Variants in SLC39A14 observed in about 807,000 individuals in gnomAD.
SLC39A14 encodes solute carrier family 39 member 14.
A neutral mutation model predicts 45.5 loss-of-function variants in SLC39A14; 19 were observed. That is an observed-to-expected ratio of 0.42 (90% CI 0.29 to 0.61). The LOEUF is 0.61. Ranked by LOEUF, SLC39A14 falls within the 20% of genes least tolerant of loss-of-function variation. The pLI is 0.22. For missense variants in SLC39A14, 447 were observed against 616.5 expected, an observed-to-expected ratio of 0.73 and a Z score of 2.91; for synonymous variants, 264 against 251.3, an observed-to-expected ratio of 1.05 and a Z score of -0.48.
chr8:22,408,368 G>A lies in SLC39A14; in HGVS notation c.329G>A (p.Gly110Glu). ...AHNFSEQSRI[G>E]SSELQEFCPT... ...AATTTCAGCGAGCAGTCGCGGATTGGGAGCAGCGAGCTCCAGGAGTTCTGC... is the reference window on the plus strand; with the variant it reads ...AATTTCAGCGAGCAGTCGCGGATTGAGAGCAGCGAGCTCCAGGAGTTCTGC... The change falls in exon 3 of 9, where the codon GGG becomes GAG. Residue 110 changes from glycine (G) to glutamate (E), a missense_variant. Coordinates refer to ENST00000381237, the MANE Select transcript of SLC39A14 (RefSeq NM_001128431.4). 5 of 1,614,180 alleles carry A rather than the reference G, an allele frequency of 3.1e-6. No homozygotes were observed. The highest frequency in any genetic ancestry group is 4.2e-6 in the Non-Finnish European group (5 of 1,180,016).
chr8:22,406,729 T>C (rs2132318059), intron 2 of SLC39A14, among the ~76,000 whole-genome samples: 1 of 152,156 alleles, frequency 6.6e-6, no homozygotes, highest in East Asian at 1.9e-4. Context: ...GGGAACCACG[T>C]GGCTTGGATG....
chr8:22,399,625 G>A (rs924083935), intron 1 of SLC39A14, among the ~76,000 whole-genome samples: 4 of 152,254 alleles, frequency 2.6e-5, no homozygotes, highest in Non-Finnish European at 4.4e-5. Context: ...TGTGCTGCAG[G>A]GGAGAAAAGG....
At chr8:22,424,569 G>T (rs1836350686), downstream of SLC39A14, among the ~76,000 whole-genome samples, 1 of 152,012 alleles carries the variant, frequency 6.6e-6, no homozygotes, top group Non-Finnish European at 1.5e-5. Flanking sequence ...GTCCTTTTCT[G>T]CCTACAGTCC....
intron 1 of SLC39A14, among the ~76,000 whole-genome samples, chr8:22,378,489 A>T (rs1833330005): frequency 6.6e-6 from 1 of 152,068 alleles, no homozygotes; most frequent in Non-Finnish European, 1.5e-5. Context: ...CCTATTTTCC[A>T]TTGCTGGCTA....
intron 1 of SLC39A14, among the ~76,000 whole-genome samples, chr8:22,371,116 C>A (rs1163158670): frequency 6.6e-6 from 1 of 152,154 alleles, no homozygotes; most frequent in Non-Finnish European, 1.5e-5. Context: ...CTGACCTGCA[C>A]AAGGAAAAGA....
At chr8:22,388,572 G>C (rs1463640647) in intron 1 of SLC39A14, among the ~76,000 whole-genome samples, 1 of 151,986 alleles carries the variant, frequency 6.6e-6, no homozygotes, top group East Asian at 1.9e-4. Flanking sequence ...GTGATGAAGT[G>C]GGGGCAGGAG....
chr8:22,414,728 G>A, intron 4 of SLC39A14, 52 bp from the exon 5 acceptor site: 1 of 1,570,566 alleles, frequency 6.4e-7, no homozygotes, highest in Non-Finnish European at 8.6e-7. Flanking sequence ...AGGGGGATCA[G>A]TAAAGATGCT....
intron 4 of SLC39A14, 23 bp downstream of exon 4, chr8:22,412,229 C>A: frequency 6.5e-7 from 1 of 1,549,982 alleles, no homozygotes; most frequent in Non-Finnish European, 8.7e-7. Context: ...AGGGCCTTCA[C>A]CCCGGAGCAT....
At chr8:22,411,412 G>T (rs1409744783) in intron 3 of SLC39A14, among the ~76,000 whole-genome samples, 1 of 152,246 alleles carries the variant, frequency 6.6e-6, no homozygotes, top group Non-Finnish European at 1.5e-5. Context: ...TTAAGACACT[G>T]AATTTTATGG....
chr8:22,401,512 T>TTCTTTCTG (rs1291340089), intron 1 of SLC39A14, among the ~76,000 whole-genome samples: 1 of 152,010 alleles, frequency 6.6e-6, no homozygotes, highest in East Asian at 1.9e-4. Flanking sequence ...TCTGTGTTCT[T>TTCTTTCTG]TCTTTCTGTC....
intron 1 of SLC39A14, among the ~76,000 whole-genome samples, chr8:22,399,176 C>G (rs7816385): frequency 0.16 from 24,962 of 152,142 alleles, 2,205 homozygotes; most frequent in African/African-American, 0.24. Flanking sequence ...AGGGGCCACA[C>G]ATGGAATGGA....
At chr8:22,385,491 G>C (rs746874372) in intron 1 of SLC39A14, among the ~76,000 whole-genome samples, 1 of 152,178 alleles carries the variant, frequency 6.6e-6, no homozygotes. Flanking sequence ...ACTGAGACCT[G>C]TTAGGAAGAT....
chr8:22,383,009 C>T (rs780605684), intron 1 of SLC39A14, among the ~76,000 whole-genome samples: 13 of 152,150 alleles, frequency 8.5e-5, no homozygotes, highest in South Asian at 2.1e-4. Context: ...TGAGTCACCG[C>T]GGCCGGTGGC....
At chr8:22,371,675 C>G (rs998844039) in intron 1 of SLC39A14, among the ~76,000 whole-genome samples, 9 of 151,216 alleles carry the variant, frequency 6.0e-5, no homozygotes, top group African/African-American at 2.2e-4. Context: ...TCGTGATCTA[C>G]CCACCTCGGC....
At chr8:22,394,546 C>G (rs1015053037) in intron 1 of SLC39A14, among the ~76,000 whole-genome samples, 26 of 151,836 alleles carry the variant, frequency 1.7e-4, no homozygotes, top group East Asian at 9.7e-4. Flanking sequence ...GTCTTGATCT[C>G]CTGACCTTGT....
At chr8:22,389,540 G>A (rs1251105990) in intron 1 of SLC39A14, among the ~76,000 whole-genome samples, 1 of 152,066 alleles carries the variant, frequency 6.6e-6, no homozygotes, top group Non-Finnish European at 1.5e-5. Flanking sequence ...GGCTTCTGGG[G>A]TCCACTTGCT....
chr8:22,424,417 G>C (rs1836347438), downstream of SLC39A14, among the ~76,000 whole-genome samples: 1 of 152,176 alleles, frequency 6.6e-6, no homozygotes, highest in Non-Finnish European at 1.5e-5. Context: ...ATTTTCAAAT[G>C]CCTGTTAGTC....
intron 3 of SLC39A14, among the ~76,000 whole-genome samples, chr8:22,410,828 C>T (rs1835526492): frequency 6.6e-6 from 1 of 152,212 alleles, no homozygotes; most frequent in Non-Finnish European, 1.5e-5. Flanking sequence ...AGTTGACAGT[C>T]TGCCCACTTT....
intron 1 of SLC39A14, among the ~76,000 whole-genome samples, chr8:22,399,218 GC>G (rs1249586766): frequency 6.6e-6 from 1 of 152,210 alleles, no homozygotes; most frequent in Non-Finnish European, 1.5e-5. Context: ...TGCAGCTGGG[GC>G]CATGCGCGCG....
Sources: gnomAD v4.1 joint callset for allele counts (sites outside exome capture counted in the v4.1 genomes callset) on GRCh38, gnomAD v4.1.1 for gene constraint, MANE v1.5 for transcripts, NCBI Gene and HGNC (gene_info 2026-07-23, HGNC 2026-07-21) for gene names.